SHISA9: variants seen among roughly 807,000 people sequenced by gnomAD.
SHISA9 encodes the protein protein shisa-9.
In SHISA9, 13 loss-of-function variants were observed where a neutral mutation model predicts 38.0. That is an observed-to-expected ratio of 0.34 (90% CI 0.22 to 0.54). The LOEUF (loss-of-function observed/expected upper bound fraction) is 0.54. SHISA9 is among the 20% of genes least tolerant of loss of function. The pLI is 0.91. For synonymous variants in SHISA9, 275 were observed against 242.0 expected, an observed-to-expected ratio of 1.14 and a Z score of -1.27; for missense variants, 538 against 575.8, an observed-to-expected ratio of 0.93 and a Z score of 0.67.
chr16:13,531,276 C>T, the SHISA9 span, among the ~76,000 whole-genome samples: 1 of 151,902 alleles, frequency 6.6e-6, no homozygotes. Context: ...GTAAGGGCAC[C>T]GAAAATGATT....
intron 2 of SHISA9, among the ~76,000 whole-genome samples, chr16:13,042,135 G>T (rs954083049): frequency 3.9e-5 from 6 of 152,192 alleles, no homozygotes; most frequent in African/African-American, 1.4e-4. Flanking sequence ...TTGCCAAGCT[G>T]TTCCCTGATC....
intron 2 of SHISA9, among the ~76,000 whole-genome samples, chr16:12,979,262 G>A (rs2072208874): frequency 6.6e-6 from 1 of 151,004 alleles, no homozygotes. Flanking sequence ...AACATTTTTC[G>A]AGTATCTGCT....
At chr16:13,033,872 G>A (rs750827111) in intron 2 of SHISA9, among the ~76,000 whole-genome samples, 24 of 152,202 alleles carry the variant, frequency 1.6e-4, no homozygotes, top group Non-Finnish European at 3.2e-4. Context: ...GTGGCTGGGC[G>A]CTGTGGCTCA....
chr16:13,152,822 A>G (rs1320377051), intron 2 of SHISA9, among the ~76,000 whole-genome samples: 1 of 152,204 alleles, frequency 6.6e-6, no homozygotes, highest in African/African-American at 2.4e-5. Context: ...ATTGGAAACT[A>G]CATAAATATG....
intron 2 of SHISA9, among the ~76,000 whole-genome samples, chr16:13,155,717 G>A (rs1165291355): frequency 2.0e-5 from 3 of 152,156 alleles, no homozygotes; most frequent in East Asian, 1.9e-4. Flanking sequence ...TGGGGGAAAC[G>A]TGGCTGGGGT....
chr16:13,251,201 C>G, the SHISA9 span, among the ~76,000 whole-genome samples: 1 of 152,178 alleles, frequency 6.6e-6, no homozygotes, highest in Admixed American at 6.5e-5. Context: ...CATCCCCAAG[C>G]TTCCTCCTCT....
intron 2 of SHISA9, among the ~76,000 whole-genome samples, chr16:12,959,921 CA>C (rs2071887267): frequency 6.6e-6 from 1 of 152,134 alleles, no homozygotes. Context: ...AATTAATAAC[CA>C]GCCACACAAA....
At chr16:13,539,401 C>G in the SHISA9 span, among the ~76,000 whole-genome samples, 1 of 137,320 alleles carries the variant, frequency 7.3e-6, no homozygotes, top group African/African-American at 2.6e-5. Flanking sequence ...GTCTTGAACT[C>G]CTGGCCTCAA....
intron 2 of SHISA9, among the ~76,000 whole-genome samples, chr16:13,136,376 G>T (rs796510658): frequency 2.8e-4 from 40 of 142,442 alleles, no homozygotes; most frequent in African/African-American, 1.0e-3. Context: ...TTTTCGTTGT[G>T]TGAAATATAC....
At chr16:13,098,778 A>G (rs1006370735) in intron 2 of SHISA9, among the ~76,000 whole-genome samples, 7 of 152,112 alleles carry the variant, frequency 4.6e-5, no homozygotes, top group African/African-American at 1.4e-4. Context: ...AAATTGCAAA[A>G]AGGCTGGGTG....
At chr16:13,306,983 C>T in the SHISA9 span, among the ~76,000 whole-genome samples, 1 of 152,192 alleles carries the variant, frequency 6.6e-6, no homozygotes, top group African/African-American at 2.4e-5. Flanking sequence ...AATGTTTACA[C>T]TGCATGCAGA....
At chr16:13,375,359 G>T in the SHISA9 span, among the ~76,000 whole-genome samples, 1 of 151,950 alleles carries the variant, frequency 6.6e-6, no homozygotes, top group Non-Finnish European at 1.5e-5. Context: ...TAAGATGTAA[G>T]GAAGGGATCT....
the SHISA9 span, among the ~76,000 whole-genome samples, chr16:13,367,324 A>G: frequency 6.7e-6 from 1 of 148,342 alleles, no homozygotes; most frequent in Non-Finnish European, 1.5e-5. Context: ...GGCAAACTAG[A>G]TACTATAAAC....
At chr16:13,414,646 C>CTTTTTTTTTTTT in the SHISA9 span, among the ~76,000 whole-genome samples, 18 of 136,636 alleles carry the variant, frequency 1.3e-4, 1 homozygote, top group Admixed American at 3.2e-4. Context: ...TTCTTTCTTT[C>CTTTTTTTTTTTT]TTTCTTTTTT....
At chr16:13,435,412 C>T in the SHISA9 span, among the ~76,000 whole-genome samples, 104 of 152,288 alleles carry the variant, frequency 6.8e-4, no homozygotes, top group African/African-American at 2.4e-3. Flanking sequence ...TAAACTATGT[C>T]ACAAGAAAGG....
At chr16:12,937,140 G>A (rs1436708928) in intron 2 of SHISA9, among the ~76,000 whole-genome samples, 2 of 152,162 alleles carry the variant, frequency 1.3e-5, no homozygotes, top group African/African-American at 4.8e-5. Flanking sequence ...GATTTGTGGA[G>A]CTTGGAATTT....
intron 2 of SHISA9, among the ~76,000 whole-genome samples, chr16:13,010,640 T>A (rs571187680): frequency 6.8e-4 from 104 of 152,350 alleles, no homozygotes; most frequent in African/African-American, 2.3e-3. Flanking sequence ...ACACTGAGTA[T>A]CTGGCTTTTG....
chr16:13,028,901 T>C (rs2072957508), intron 2 of SHISA9, among the ~76,000 whole-genome samples: 1 of 152,102 alleles, frequency 6.6e-6, no homozygotes, highest in South Asian at 2.1e-4. Flanking sequence ...ACTTCAAAAC[T>C]ACATGGAGTG....
chr16:13,189,939 C>T (rs1487302613), intron 2 of SHISA9, among the ~76,000 whole-genome samples: 2 of 152,096 alleles, frequency 1.3e-5, no homozygotes, highest in East Asian at 3.9e-4. Context: ...GAGAGGGACG[C>T]AGAGGGAGGA....
Sources: gnomAD v4.1 joint callset for allele counts (sites outside exome capture counted in the v4.1 genomes callset) on GRCh38, gnomAD v4.1.1 for gene constraint, MANE v1.5 for transcripts, NCBI Gene and HGNC (gene_info 2026-07-23, HGNC 2026-07-21) for gene names.